The following ASCC1 variants were observed in gnomAD, a reference collection of about 807,000 sequenced individuals.
ASCC1 encodes activating signal cointegrator 1 complex subunit 1.
Under a neutral mutation model 46.6 loss-of-function variants are expected in ASCC1, and 35 were observed. That is an observed-to-expected ratio of 0.75 (90% CI 0.57 to 0.99). The LOEUF (loss-of-function observed/expected upper bound fraction) is 0.99. Among genes scored for constraint, ASCC1 ranks in the 50% least tolerant of loss-of-function variants. The pLI, the probability that ASCC1 is intolerant of heterozygous loss-of-function variation, is 0.00. For missense variants in ASCC1, 376 were observed against 428.7 expected (o/e 0.88, Z 1.09); for synonymous variants, 143 against 146.6 (o/e 0.98, Z 0.18).
intron 5 of ASCC1, among the ~76,000 whole-genome samples, chr10:72,193,445 A>C (rs536148111): frequency 6.8e-6 from 1 of 146,512 alleles, no homozygotes; most frequent in South Asian, 2.2e-4. Context: ...TAATAAACAA[A>C]ACACACACAC....
chr10:72,136,598 G>A (rs1409164238), intron 7 of ASCC1, among the ~76,000 whole-genome samples: 1 of 152,158 alleles, frequency 6.6e-6, no homozygotes, highest in African/African-American at 2.4e-5. Context: ...GCCAAATAAG[G>A]GATAAAAATA....
chr10:72,130,271 T>A (rs1028340706), intron 8 of ASCC1, among the ~76,000 whole-genome samples: 3 of 151,904 alleles, frequency 2.0e-5, no homozygotes, highest in Non-Finnish European at 4.4e-5. Flanking sequence ...GGGGTTTCAT[T>A]TTAGGGTGAT....
At position 72,213,257 on chromosome 10, in the gene ASCC1, C is replaced by A; in HGVS notation, c.42G>T (p.Arg14=). ...CTTGGACTGGATTCTTCCTGTAATTCCGGCCATCAATTCTTATAAGCTGTG... is the reference window on the plus strand; with the variant it reads ...CTTGGACTGGATTCTTCCTGTAATTACGGCCATCAATTCTTATAAGCTGTG... ...LRPQLIRIDG[R]NYRKNPVQEQ... is the part of the protein sequence containing the mutation. The change falls in exon 2 of 10, where the codon CGG becomes CGT. Residue 14 remains arginine, a synonymous_variant. Transcript: ENST00000672957. 6.2e-7 allele frequency: 1 copy of A among 1,613,930 alleles called. No homozygotes were observed. Among genetic ancestry groups the A allele is most frequent in the Non-Finnish European group, 8.5e-7 (1 of 1,179,896 alleles).
chr10:72,200,657 T>C (rs1237224670), intron 4 of ASCC1, among the ~76,000 whole-genome samples: 1 of 133,836 alleles, frequency 7.5e-6, no homozygotes, highest in East Asian at 2.1e-4. Context: ...AGAGCGAAAC[T>C]CCATCTCAAA....
intron 5 of ASCC1, among the ~76,000 whole-genome samples, chr10:72,177,507 T>A (rs1852001180): frequency 6.6e-6 from 1 of 152,200 alleles, no homozygotes; most frequent in Non-Finnish European, 1.5e-5. Flanking sequence ...TAAGCCTCCA[T>A]GTTACAATAT....
At chr10:72,214,461 T>A (rs1259953146) in intron 1 of ASCC1, among the ~76,000 whole-genome samples, 5 of 147,590 alleles carry the variant, frequency 3.4e-5, no homozygotes. Context: ...CTGCAACCTC[T>A]GCCTCCCGGG....
intron 5 of ASCC1, 70 bp from the exon 6 acceptor site, chr10:72,161,744 C>T: frequency 6.3e-7 from 1 of 1,593,736 alleles, no homozygotes; most frequent in East Asian, 2.2e-5. Context: ...AAAATTGAGT[C>T]CCCAAAAATA....
At chr10:72,141,036 TATAGATAGATAG>T (rs10655614) in intron 7 of ASCC1, among the ~76,000 whole-genome samples, 2,925 of 144,266 alleles carry the variant, frequency 0.02, 33 homozygotes, top group Middle Eastern at 0.049. Context: ...TCAAATTGTT[TATAGATAGATAG>T]ATAGATAGAT....
At chr10:72,211,586 A>T (rs1858124173) in intron 2 of ASCC1, among the ~76,000 whole-genome samples, 1 of 151,798 alleles carries the variant, frequency 6.6e-6, no homozygotes, top group Non-Finnish European at 1.5e-5. Context: ...TAAAAAAAAA[A>T]TTACGGCTGG....
chr10:72,127,930 C>T lies in ASCC1; in HGVS notation c.957+152G>A, dbSNP rs539898253. On this transcript the variant is annotated intron_variant, in intron 9 of 9. Coordinates refer to ENST00000672957, the MANE Select transcript of ASCC1 (RefSeq NM_001198800.3). ...GCCAAAGCCTTAAGAGGACCAGCTA[C>T]TTTTCCTCTCTTTCCCTTTAGATAA... 98 of 683,430 alleles carry T rather than the reference C, an allele frequency of 1.4e-4. 1 individual carries two copies. The South Asian group carries it at 1.6e-3, about 11-fold the overall frequency. The allele number at this position is 683,430 out of a possible 1,614,324, so 42.3% of individuals were successfully genotyped here.
At chr10:72,158,442 A>ACGTG (rs1849248259) in intron 6 of ASCC1, among the ~76,000 whole-genome samples, 1 of 152,208 alleles carries the variant, frequency 6.6e-6, no homozygotes. Flanking sequence ...GAGCCAGTGC[A>ACGTG]CGGTCTGTGT....
intron 7 of ASCC1, among the ~76,000 whole-genome samples, chr10:72,151,631 T>C (rs1848342054): frequency 6.6e-6 from 1 of 152,134 alleles, no homozygotes; most frequent in Admixed American, 6.6e-5. Context: ...GTTTCGATAA[T>C]GTAAGTCTGT....
At chr10:72,163,459 C>T (rs1208116608) in intron 5 of ASCC1, among the ~76,000 whole-genome samples, 1 of 151,890 alleles carries the variant, frequency 6.6e-6, no homozygotes, top group Non-Finnish European at 1.5e-5. Flanking sequence ...TTCTGGCTGG[C>T]CGCGGTGGCT....
chr10:72,099,658 T>C (rs961164122), intron 9 of ASCC1, among the ~76,000 whole-genome samples: 1 of 152,106 alleles, frequency 6.6e-6, no homozygotes, highest in African/African-American at 2.4e-5. Context: ...CCGTCTCTAC[T>C]AAAAATACAA....
In ASCC1 at chr10:72,161,520, T is replaced by C; in HGVS notation, c.626+18A>G. The C allele has an allele frequency of 1.2e-6, 2 of 1,614,034 alleles. No homozygotes were observed. Among genetic ancestry groups the C allele is most frequent in the African/African-American group, 1.3e-5 (1 of 75,018 alleles). ...GCCCAGGTAGACCACCCAACCCCCA[T>C]CCCTGAGAATTACTCACTTAATGAA... On this transcript the variant is annotated intron_variant, in intron 6 of 9. Transcript: ENST00000672957.
chr10:72,138,664 C>T (rs7086521), intron 7 of ASCC1, among the ~76,000 whole-genome samples: 56,981 of 141,292 alleles, frequency 0.4, 11,957 homozygotes, highest in Non-Finnish European at 0.48. Flanking sequence ...AGTGCAGTGG[C>T]GCAATCTTGG....
intron 7 of ASCC1, among the ~76,000 whole-genome samples, chr10:72,144,870 G>C (rs1160355769): frequency 6.6e-6 from 1 of 151,950 alleles, no homozygotes; most frequent in Non-Finnish European, 1.5e-5. Flanking sequence ...ACCCACGATT[G>C]CTTTCTGCAT....
chr10:72,177,225 C>A (rs772786603), intron 5 of ASCC1, among the ~76,000 whole-genome samples: 1 of 152,134 alleles, frequency 6.6e-6, no homozygotes, highest in South Asian at 2.1e-4. Context: ...CCTTTTCTTA[C>A]TTTCCTACCC....
intron 5 of ASCC1, among the ~76,000 whole-genome samples, chr10:72,184,554 T>C (rs1777829544): frequency 6.6e-6 from 1 of 151,988 alleles, no homozygotes; most frequent in African/African-American, 2.4e-5. Context: ...AGGAACATTA[T>C]CAGGAATAGA....
Sources: gnomAD v4.1 joint callset for allele counts (sites outside exome capture counted in the v4.1 genomes callset) on GRCh38, gnomAD v4.1.1 for gene constraint, MANE v1.5 for transcripts, NCBI Gene and HGNC (gene_info 2026-07-23, HGNC 2026-07-21) for gene names.